Variants in CCSER1 observed in about 807,000 individuals in gnomAD.
The protein encoded by CCSER1 is serine-rich coiled-coil domain-containing protein 1.
A neutral mutation model predicts 82.0 loss-of-function variants in CCSER1; 41 were observed. That is an observed-to-expected ratio of 0.50 (90% CI 0.39 to 0.65). CCSER1 has a LOEUF of 0.65. Among genes scored for constraint, CCSER1 ranks in the 30% least tolerant of loss-of-function variants. The pLI is 0.00. For synonymous variants in CCSER1, 414 were observed against 383.9 expected, an observed-to-expected ratio of 1.08 and a Z score of -0.92; for missense variants, 1,119 against 1,064.2, an observed-to-expected ratio of 1.05 and a Z score of -0.72.
chr4:91,185,338 C>G (rs200681208), intron 10 of CCSER1, among the ~76,000 whole-genome samples: 3 of 152,218 alleles, frequency 2.0e-5, no homozygotes, highest in African/African-American at 7.2e-5. Context: ...TGAATTTCCC[C>G]ATTATAATCT....
intron 10 of CCSER1, among the ~76,000 whole-genome samples, chr4:91,299,319 A>T (rs1358525828): frequency 1.3e-5 from 2 of 151,976 alleles, no homozygotes; most frequent in Non-Finnish European, 1.5e-5. Context: ...ACTGTCTTTT[A>T]AAAAAATGCA....
At chr4:91,236,036 T>TTTTCC (rs57818163) in intron 10 of CCSER1, among the ~76,000 whole-genome samples, 1 of 151,288 alleles carries the variant, frequency 6.6e-6, no homozygotes, top group South Asian at 2.1e-4. Context: ...AATTTTTTAT[T>TTTTCC]AAAATCATAT....
At chr4:91,453,674 G>A (rs1016773513) in intron 10 of CCSER1, among the ~76,000 whole-genome samples, 5 of 151,964 alleles carry the variant, frequency 3.3e-5, no homozygotes, top group African/African-American at 7.2e-5. Context: ...AATATCCTCC[G>A]AAGAACCCAA....
At chr4:91,132,220 A>G (rs1728058902) in intron 10 of CCSER1, among the ~76,000 whole-genome samples, 1 of 152,118 alleles carries the variant, frequency 6.6e-6, no homozygotes, top group Admixed American at 6.6e-5. Flanking sequence ...CATAGTTCAG[A>G]TGACCTTGGT....
rs1029862706 is a variant in CCSER1 at position 90,416,185 on chromosome 4, C to G, written c.1603+16056C>G. ...AATCATTACCTTTTTTTTACCTTGACTATATTCAATCTTATTTATCAATTA... is the reference window on the plus strand; with the variant it reads ...AATCATTACCTTTTTTTTACCTTGAGTATATTCAATCTTATTTATCAATTA... On this transcript the variant is annotated intron_variant, in intron 4 of 10. Transcript: ENST00000509176. Among the ~76,000 whole-genome samples, 10 of 151,984 alleles carry G rather than the reference C, an allele frequency of 6.6e-5. No homozygotes were observed. The East Asian group carries it at 1.9e-3, about 29-fold the overall frequency.
intron 10 of CCSER1, among the ~76,000 whole-genome samples, chr4:91,481,823 C>T (rs1757930800): frequency 6.6e-6 from 1 of 152,122 alleles, no homozygotes; most frequent in Non-Finnish European, 1.5e-5. Flanking sequence ...AAACTACCAT[C>T]AGAGTGAACA....
At chr4:91,236,508 AT>A (rs1739023729) in intron 10 of CCSER1, among the ~76,000 whole-genome samples, 2 of 152,134 alleles carry the variant, frequency 1.3e-5, no homozygotes, top group African/African-American at 4.8e-5. Context: ...AGAAAAAAAA[AT>A]TGGTAACTTT....
At chr4:91,203,282 T>C (rs184100652) in intron 10 of CCSER1, among the ~76,000 whole-genome samples, 42 of 152,126 alleles carry the variant, frequency 2.8e-4, no homozygotes, top group African/African-American at 7.7e-4. Context: ...CAGACTACTA[T>C]CTTTTATCAA....
At chr4:90,770,899 T>C (rs900835314) in intron 7 of CCSER1, among the ~76,000 whole-genome samples, 1 of 152,134 alleles carries the variant, frequency 6.6e-6, no homozygotes, top group African/African-American at 2.4e-5. Flanking sequence ...ATAGAACAAA[T>C]CATTTTAACA....
At chr4:91,382,697 G>A (rs1750998463) in intron 10 of CCSER1, among the ~76,000 whole-genome samples, 1 of 152,218 alleles carries the variant, frequency 6.6e-6, no homozygotes, top group South Asian at 2.1e-4. Flanking sequence ...CACACTTGGT[G>A]GACTGCACCC....
intron 1 of CCSER1, among the ~76,000 whole-genome samples, chr4:90,192,487 A>G (rs1735836625): frequency 6.6e-6 from 1 of 152,072 alleles, no homozygotes; most frequent in South Asian, 2.1e-4. Flanking sequence ...TGAGAATTTC[A>G]GCTTTGGAGC....
intron 10 of CCSER1, among the ~76,000 whole-genome samples, chr4:91,169,100 C>G (rs1430625746): frequency 6.6e-6 from 1 of 150,758 alleles, no homozygotes; most frequent in East Asian, 2.0e-4. Flanking sequence ...AACCAGAGAC[C>G]TTTGTTCATG....
intron 5 of CCSER1, among the ~76,000 whole-genome samples, chr4:90,621,068 C>T (rs570784069): frequency 6.6e-6 from 1 of 152,176 alleles, no homozygotes; most frequent in African/African-American, 2.4e-5. Flanking sequence ...ATCTGCCCAC[C>T]TCGGCCTCCG....
chr4:91,311,906 T>G lies in CCSER1; in HGVS notation c.2217+225912T>G, dbSNP rs544452514. On this transcript the variant is annotated intron_variant, in intron 10 of 10. Coordinates refer to ENST00000509176, the MANE Select transcript of CCSER1 (RefSeq NM_001145065.2). ...ATGGGTTGTTACTCAAAACCACTAT[T>G]CACTTTGTCTTCCATTGTTGACTGT... 2.6e-5 allele frequency among the ~76,000 whole-genome samples: 4 copies of G among 152,090 alleles called. No homozygotes were observed. The South Asian group carries it at 8.3e-4, about 31-fold the overall frequency.
chr4:91,195,566 G>A (rs1735339404), intron 10 of CCSER1, among the ~76,000 whole-genome samples: 1 of 152,082 alleles, frequency 6.6e-6, no homozygotes, highest in Non-Finnish European at 1.5e-5. Flanking sequence ...TTCATGAGAC[G>A]CTGTATTCTG....
chr4:91,204,201 A>C lies in CCSER1; in HGVS notation c.2217+118207A>C, dbSNP rs548810842. Among the ~76,000 whole-genome samples the C allele has an allele frequency of 4.6e-5, 7 of 152,026 alleles. No individual in the cohort carries two copies. The South Asian group carries it at 1.5e-3, about 32-fold the overall frequency. On this transcript the variant is annotated intron_variant, in intron 10 of 10. Coordinates refer to ENST00000509176, the MANE Select transcript of CCSER1 (RefSeq NM_001145065.2). ...CTGTCCTCAACGGGGTGACTTAAAA[A>C]ATAAGTGCAGTAAAGCATTGCTACA...
At chr4:90,545,465 A>G (rs1019476735) in intron 5 of CCSER1, among the ~76,000 whole-genome samples, 3 of 152,148 alleles carry the variant, frequency 2.0e-5, no homozygotes, top group Non-Finnish European at 2.9e-5. Flanking sequence ...GTTTCTTAAA[A>G]TGATATTCCA....
At chr4:90,769,257 C>T (rs1054239331) in intron 7 of CCSER1, among the ~76,000 whole-genome samples, 1 of 152,150 alleles carries the variant, frequency 6.6e-6, no homozygotes, top group Non-Finnish European at 1.5e-5. Context: ...CCCCAAGAAA[C>T]TTCACAGGAG....
chr4:91,451,031 G>A (rs1755843692), intron 10 of CCSER1, among the ~76,000 whole-genome samples: 1 of 152,052 alleles, frequency 6.6e-6, no homozygotes, highest in South Asian at 2.1e-4. Context: ...AGGCTGGGAA[G>A]CCAAAATCAA....
Sources: allele counts gnomAD v4.1 joint callset (sites outside exome capture counted in the v4.1 genomes callset), GRCh38; gene constraint gnomAD v4.1.1; transcripts MANE v1.5; gene names NCBI Gene and HGNC (gene_info 2026-07-23, HGNC 2026-07-21).